ZSWIM5: variants seen among roughly 807,000 people sequenced by gnomAD.
ZSWIM5 encodes zinc finger SWIM domain-containing protein 5.
Under a neutral mutation model 119.6 loss-of-function variants are expected in ZSWIM5, and 55 were observed. The observed-to-expected ratio is 0.46, with a 90% CI of 0.37 to 0.58. The LOEUF (loss-of-function observed/expected upper bound fraction) is 0.58. Ranked by LOEUF, ZSWIM5 falls within the 20% of genes least tolerant of loss-of-function variation. ZSWIM5 has a pLI of 0.00. For missense variants in ZSWIM5, 1,193 were observed against 1,512.8 expected, an observed-to-expected ratio of 0.79 and a Z score of 3.51; for synonymous variants, 537 against 606.9, an observed-to-expected ratio of 0.88 and a Z score of 1.69.
intron 11 of ZSWIM5, among the ~76,000 whole-genome samples, chr1:45,021,129 G>A (rs958786654): frequency 1.3e-5 from 2 of 151,754 alleles, no homozygotes; most frequent in African/African-American, 4.8e-5. Context: ...TCTGCCTCCC[G>A]GGTTCACACC....
intron 5 of ZSWIM5, among the ~76,000 whole-genome samples, chr1:45,045,423 G>T (rs1645047999): frequency 6.6e-6 from 1 of 152,126 alleles, no homozygotes; most frequent in Admixed American, 6.5e-5. Flanking sequence ...GAATATGAAA[G>T]AACTTAACAT....
At chr1:45,104,236 A>G (rs903222138) in intron 1 of ZSWIM5, among the ~76,000 whole-genome samples, 1 of 152,234 alleles carries the variant, frequency 6.6e-6, no homozygotes, top group Non-Finnish European at 1.5e-5. Flanking sequence ...AATTAAAACA[A>G]TGAGAGTGAC....
intron 1 of ZSWIM5, among the ~76,000 whole-genome samples, chr1:45,160,205 G>A (rs1025633474): frequency 1.1e-4 from 16 of 152,144 alleles, no homozygotes; most frequent in African/African-American, 1.4e-4. Flanking sequence ...TTGGGTACAT[G>A]TGAATATTTG....
intron 5 of ZSWIM5, among the ~76,000 whole-genome samples, chr1:45,043,841 C>A (rs980854173): frequency 6.6e-6 from 1 of 152,134 alleles, no homozygotes; most frequent in African/African-American, 2.4e-5. Flanking sequence ...TTGTTTCATA[C>A]TAACTTTCCC....
intron 1 of ZSWIM5, among the ~76,000 whole-genome samples, chr1:45,150,564 T>G (rs1645790870): frequency 6.6e-6 from 1 of 152,190 alleles, no homozygotes; most frequent in Non-Finnish European, 1.5e-5. Flanking sequence ...CGTTGAAATT[T>G]TATCTTTCCT....
intron 1 of ZSWIM5, among the ~76,000 whole-genome samples, chr1:45,138,702 C>A (rs1449572323): frequency 1.3e-5 from 2 of 151,884 alleles, no homozygotes; most frequent in Non-Finnish European, 2.9e-5. Context: ...CAAAATGCAG[C>A]CCCTCTCCCC....
chr1:45,167,661 G>A (rs1404022902), intron 1 of ZSWIM5, among the ~76,000 whole-genome samples: 33 of 152,132 alleles, frequency 2.2e-4, no homozygotes, highest in South Asian at 6.2e-4. Flanking sequence ...AAAAGTGGGC[G>A]AAGGATATGA....
At chr1:45,081,864 T>C (rs375273385) in intron 2 of ZSWIM5, among the ~76,000 whole-genome samples, 16 of 151,810 alleles carry the variant, frequency 1.1e-4, no homozygotes, top group East Asian at 9.7e-4. Flanking sequence ...AGGATGACAA[T>C]GGCGGCTTTG....
At chr1:45,091,357 G>T (rs1645363352) in intron 1 of ZSWIM5, among the ~76,000 whole-genome samples, 1 of 152,040 alleles carries the variant, frequency 6.6e-6, no homozygotes, top group Non-Finnish European at 1.5e-5. Flanking sequence ...ATGTGGAAAA[G>T]CCTAGTTACT....
intron 8 of ZSWIM5, among the ~76,000 whole-genome samples, chr1:45,038,105 A>G (rs1644996232): frequency 6.6e-6 from 1 of 152,218 alleles, no homozygotes; most frequent in Admixed American, 6.5e-5. Context: ...TGAAGGTATA[A>G]AAGAAAAAAG....
At chr1:45,167,329 G>C (rs1050196503) in intron 1 of ZSWIM5, among the ~76,000 whole-genome samples, 1 of 151,394 alleles carries the variant, frequency 6.6e-6, no homozygotes, top group African/African-American at 2.4e-5. Context: ...AATTCAAGAT[G>C]GATTAAAGAC....
At chr1:45,164,343 C>T (rs1215300255) in intron 1 of ZSWIM5, among the ~76,000 whole-genome samples, 1 of 152,124 alleles carries the variant, frequency 6.6e-6, no homozygotes, top group African/African-American at 2.4e-5. Flanking sequence ...AAAGGAACAA[C>T]CGGTACCAGC....
chr1:45,152,579 T>A (rs1002535865), intron 1 of ZSWIM5, among the ~76,000 whole-genome samples: 11 of 152,142 alleles, frequency 7.2e-5, no homozygotes, highest in Admixed American at 4.6e-4. Context: ...GACCACTACC[T>A]TTCACCATAT....
At chr1:45,061,434 G>A (rs1260552033) in intron 2 of ZSWIM5, among the ~76,000 whole-genome samples, 1 of 150,014 alleles carries the variant, frequency 6.7e-6, no homozygotes, top group African/African-American at 2.5e-5. Flanking sequence ...GCAGTGGCAC[G>A]ATCTCGGCTC....
In ZSWIM5 at chr1:45,123,787, A is replaced by G. The variant is rs539636800; in HGVS notation, c.596-35550T>C. On this transcript the variant is annotated intron_variant, in intron 1 of 13. Transcript: ENST00000359600. ...AAACCCCAAAGAGGATTATACCCAA[A>G]GAAATCCACGTCAAGATACATCATA... Among the ~76,000 whole-genome samples, 5 of 152,344 alleles carry G rather than the reference A, an allele frequency of 3.3e-5. No individual in the cohort carries two copies. In the South Asian group the frequency reaches 1.0e-3, roughly 32 times the overall value.
At chr1:45,108,730 A>G (rs1386481821) in intron 1 of ZSWIM5, among the ~76,000 whole-genome samples, 2 of 152,064 alleles carry the variant, frequency 1.3e-5, no homozygotes, top group African/African-American at 4.8e-5. Context: ...TTCTGCCTAT[A>G]ATTCCAGCTA....
At chr1:45,197,267 C>G (rs933390569) in intron 1 of ZSWIM5, among the ~76,000 whole-genome samples, 2 of 152,206 alleles carry the variant, frequency 1.3e-5, no homozygotes, top group African/African-American at 4.8e-5. Flanking sequence ...TAGTCTCTTT[C>G]CTCTAAATTC....
intron 2 of ZSWIM5, among the ~76,000 whole-genome samples, chr1:45,076,279 T>C (rs1645256130): frequency 6.6e-6 from 1 of 152,194 alleles, no homozygotes. Context: ...GTACTCTCTT[T>C]TAGCATTTCT....
intron 1 of ZSWIM5, among the ~76,000 whole-genome samples, chr1:45,107,753 C>A (rs528697958): frequency 6.6e-6 from 1 of 152,010 alleles, no homozygotes; most frequent in East Asian, 1.9e-4. Flanking sequence ...CCATTCTATT[C>A]AGAACTGCAG....
Sources: allele counts gnomAD v4.1 joint callset (sites outside exome capture counted in the v4.1 genomes callset), GRCh38; gene constraint gnomAD v4.1.1; transcripts MANE v1.5; gene names NCBI Gene and HGNC (gene_info 2026-07-23, HGNC 2026-07-21).